GRAMD1B: variants seen among roughly 807,000 people sequenced by gnomAD.
The protein encoded by GRAMD1B is protein Aster-B.
GRAMD1B carries 37 observed loss-of-function variants against 99.7 expected under a neutral mutation model. That is an observed-to-expected ratio of 0.37 (90% CI 0.29 to 0.49). The LOEUF (loss-of-function observed/expected upper bound fraction) is 0.49, where lower values mean the gene tolerates loss of function less well. GRAMD1B is among the 20% of genes least tolerant of loss of function. GRAMD1B has a pLI of 0.98. For missense variants in GRAMD1B, 888 were observed against 1,009.2 expected, an observed-to-expected ratio of 0.88 and a Z score of 1.63; for synonymous variants, 427 against 387.6, an observed-to-expected ratio of 1.10 and a Z score of -1.19.
At chr11:123,583,316 G>T (rs1949643304) in intron 3 of GRAMD1B, among the ~76,000 whole-genome samples, 1 of 150,370 alleles carries the variant, frequency 6.7e-6, no homozygotes, top group African/African-American at 2.5e-5. Context: ...GTGTGCACGT[G>T]TGGATGTGTG....
At chr11:123,567,461 T>A (rs1206618309) in intron 2 of GRAMD1B, among the ~76,000 whole-genome samples, 1 of 152,244 alleles carries the variant, frequency 6.6e-6, no homozygotes, top group Non-Finnish European at 1.5e-5. Flanking sequence ...AATTTGTTCC[T>A]CTTTGAAATA....
intron 4 of GRAMD1B, among the ~76,000 whole-genome samples, chr11:123,593,840 G>T (rs1008997838): frequency 1.3e-4 from 20 of 152,110 alleles, no homozygotes; most frequent in African/African-American, 4.8e-4. Context: ...CCTCCTTGCT[G>T]TGTCTGGCAT....
intron 2 of GRAMD1B, chr11:123,491,529 G>C (rs1038187787): frequency 5.2e-6 from 1 of 192,544 alleles, no homozygotes; most frequent in Non-Finnish European, 1.1e-5. Flanking sequence ...CCTTGTCTGA[G>C]GACAAAGGAG....
intron 2 of GRAMD1B, among the ~76,000 whole-genome samples, chr11:123,490,206 G>T (rs1051351259): frequency 6.6e-6 from 1 of 152,172 alleles, no homozygotes; most frequent in Non-Finnish European, 1.5e-5. Context: ...AAAGTGTATC[G>T]AAGAAGCTGG....
chr11:123,413,916 A>G (rs1157905114), intron 1 of GRAMD1B, among the ~76,000 whole-genome samples: 1 of 152,202 alleles, frequency 6.6e-6, no homozygotes, highest in Non-Finnish European at 1.5e-5. Flanking sequence ...TTGTTCTGAG[A>G]AGACGCAGCT....
chr11:123,586,447 T>A (rs1950082324), intron 4 of GRAMD1B, among the ~76,000 whole-genome samples: 1 of 152,202 alleles, frequency 6.6e-6, no homozygotes, highest in Non-Finnish European at 1.5e-5. Context: ...TTAGCTCAGA[T>A]CATTCATTCT....
At chr11:123,495,625 G>C (rs1307990030) in intron 2 of GRAMD1B, among the ~76,000 whole-genome samples, 1 of 148,492 alleles carries the variant, frequency 6.7e-6, no homozygotes, top group Non-Finnish European at 1.5e-5. Context: ...CAATTGTTTT[G>C]CTTTTTAGTT....
At chr11:123,565,890 A>G (rs1280142671) in intron 2 of GRAMD1B, among the ~76,000 whole-genome samples, 2 of 152,214 alleles carry the variant, frequency 1.3e-5, no homozygotes, top group Admixed American at 1.3e-4. Flanking sequence ...AACACCAGTA[A>G]GTTCTTATGT....
intron 1 of GRAMD1B, among the ~76,000 whole-genome samples, chr11:123,462,065 C>T (rs905704753): frequency 6.7e-6 from 1 of 149,046 alleles, no homozygotes; most frequent in African/African-American, 2.5e-5. Context: ...CTCCTGGGTT[C>T]ACGCCATTCT....
At chr11:123,469,886 T>C (rs1001455570) in intron 1 of GRAMD1B, among the ~76,000 whole-genome samples, 1 of 152,158 alleles carries the variant, frequency 6.6e-6, no homozygotes, top group East Asian at 1.9e-4. Context: ...GATGTATTTA[T>C]TTACTTGCCA....
chr11:123,439,672 C>T (rs1892968), intron 1 of GRAMD1B, among the ~76,000 whole-genome samples: 47,939 of 152,000 alleles, frequency 0.32, 9,364 homozygotes, highest in South Asian at 0.55. Flanking sequence ...TGACCAGGCA[C>T]GTCACGGAGG....
At chr11:123,609,436 G>C (rs1334178528) in intron 12 of GRAMD1B, among the ~76,000 whole-genome samples, 1 of 152,122 alleles carries the variant, frequency 6.6e-6, no homozygotes, top group Non-Finnish European at 1.5e-5. Flanking sequence ...CTGAGGGCAC[G>C]GGGAGGTCAT....
intron 1 of GRAMD1B, among the ~76,000 whole-genome samples, chr11:123,441,354 C>T (rs1385107979): frequency 6.6e-6 from 1 of 152,080 alleles, no homozygotes; most frequent in African/African-American, 2.4e-5. Flanking sequence ...TCTCAGCATG[C>T]AGGCCGGGTG....
In GRAMD1B at chr11:123,398,119, G is replaced by A. The variant is rs758271824; in HGVS notation, c.-176+39320G>A. 9.2e-5 allele frequency among the ~76,000 whole-genome samples: 14 copies of A among 152,158 alleles called. 1 individual carries two copies. The highest frequency in any genetic ancestry group is 3.9e-4 in the Admixed American group (6 of 15,282). Reference sequence around the variant, plus strand: ...TACTCAGGAGTGAAATTGCTCAGTCGTATAGTAAATGTATGTTTGAAAAAC... The same window carrying A: ...TACTCAGGAGTGAAATTGCTCAGTCATATAGTAAATGTATGTTTGAAAAAC... On this transcript the variant is annotated intron_variant, in intron 1 of 20. Coordinates refer to the GRAMD1B transcript ENST00000638157.
chr11:123,585,171 C>T (rs1949940571), intron 4 of GRAMD1B, among the ~76,000 whole-genome samples: 1 of 152,188 alleles, frequency 6.6e-6, no homozygotes. Context: ...TTGCCCCCTC[C>T]CCGGACACAC....
intron 2 of GRAMD1B, among the ~76,000 whole-genome samples, chr11:123,531,730 GTTTTTTTTT>G (rs57528529): frequency 0.026 from 2,012 of 78,168 alleles, 56 homozygotes; most frequent in African/African-American, 0.079. Context: ...TTGCTAGATG[GTTTTTTTTT>G]TTTTTTTTTT....
intron 1 of GRAMD1B, among the ~76,000 whole-genome samples, chr11:123,456,748 C>T (rs149983762): frequency 5.9e-5 from 9 of 151,622 alleles, no homozygotes; most frequent in African/African-American, 1.9e-4. Flanking sequence ...GATGAAACTC[C>T]GTCTCTACTA....
At chr11:123,475,218 C>T (rs548231334) in intron 1 of GRAMD1B, among the ~76,000 whole-genome samples, 2 of 152,282 alleles carry the variant, frequency 1.3e-5, no homozygotes, top group South Asian at 2.1e-4. Flanking sequence ...TTGCCCAGCC[C>T]GCATTGCAGA....
chr11:123,598,485 A>G (rs1366961060), intron 7 of GRAMD1B: 2 of 1,187,682 alleles, frequency 1.7e-6, no homozygotes, highest in Admixed American at 3.4e-5. Flanking sequence ...TTGGGCTTCT[A>G]GAAAAGCAAT....
Sources: allele counts gnomAD v4.1 joint callset (sites outside exome capture counted in the v4.1 genomes callset), GRCh38; gene constraint gnomAD v4.1.1; transcripts MANE v1.5; gene names NCBI Gene and HGNC (gene_info 2026-07-23, HGNC 2026-07-21).